Variants in ZNF674 observed in about 807,000 individuals in gnomAD.
ZNF674 encodes zinc finger family member 674.
In ZNF674, 2 loss-of-function variants were observed where a neutral mutation model predicts 7.0. That is an observed-to-expected ratio of 0.29 (90% CI 0.12 to 0.90). The LOEUF is 0.90. Ranked by LOEUF, ZNF674 falls within the 40% of genes least tolerant of loss-of-function variation. ZNF674 has a pLI of 0.57. For missense variants in ZNF674, 297 were observed against 415.5 expected (o/e 0.71, Z 2.48); for synonymous variants, 103 against 145.2 (o/e 0.71, Z 2.09).
chrX:46,519,346 G>A (rs1370051449), intron 5 of ZNF674, among the ~76,000 whole-genome samples: 2 of 109,031 alleles, frequency 1.8e-5, no homozygotes, highest in South Asian at 7.9e-4. Context: ...GGTGGCTCAT[G>A]CCTGGAATCC....
intron 5 of ZNF674, among the ~76,000 whole-genome samples, chrX:46,502,686 T>C (rs148918661): frequency 1.8e-5 from 2 of 112,122 alleles, no homozygotes; most frequent in East Asian, 5.6e-4. Flanking sequence ...TGGTGCATCT[T>C]TGATACTGGA....
intron 5 of ZNF674, among the ~76,000 whole-genome samples, chrX:46,504,862 C>G (rs1420924486): frequency 9.1e-6 from 1 of 110,149 alleles, no homozygotes; most frequent in Non-Finnish European, 1.9e-5. Flanking sequence ...TGTTTCTTTT[C>G]TTTTCTTTTT....
chrX:46,526,684 AG>A lies in ZNF674; in HGVS notation c.238+1665del, dbSNP rs774758286. On this transcript the variant is annotated intron_variant, in intron 5 of 5. Coordinates refer to ENST00000683375, the MANE Select transcript of ZNF674 (RefSeq NM_001190417.2). The stretch of plus-strand genomic sequence containing the variant: ...AAAAATTGGATATACATATGCAAAA[AG>A]CCCCCTGACCCTCACCTCATGTCAG... Among the ~76,000 whole-genome samples the A allele has an allele frequency of 5.2e-3, 578 of 111,679 alleles. 6 individuals are homozygous for A. Among genetic ancestry groups the A allele is most frequent in the African/African-American group, 0.018 (552 of 30,751 alleles).
rs780018464 is a variant in ZNF674 at position 46,510,668 on chromosome X, A to G, written c.239-9333T>C. 3.8e-3 allele frequency among the ~76,000 whole-genome samples: 421 copies of G among 111,828 alleles called. 3 individuals are homozygous for G. The highest frequency in any genetic ancestry group is 5.5e-3 in the Non-Finnish European group (291 of 53,122). On this transcript the variant is annotated intron_variant, in intron 5 of 5. Transcript: ENST00000683375. The stretch of plus-strand genomic sequence containing the variant: ...TAGCCAGGCATGGTGGTGGATGCCT[A>G]TAATCCCAGATACTTGGGAGGCTGA...
intron 5 of ZNF674, among the ~76,000 whole-genome samples, chrX:46,520,952 C>T (rs950084907): frequency 5.4e-5 from 6 of 111,075 alleles, no homozygotes; most frequent in African/African-American, 1.3e-4. Flanking sequence ...TTTGGGAGGC[C>T]GAGGTGGGTG....
chrX:46,530,094 T>G (rs144818724), intron 3 of ZNF674, among the ~76,000 whole-genome samples: 2,853 of 111,680 alleles, frequency 0.026, 86 homozygotes, highest in African/African-American at 0.087. Flanking sequence ...CAAAGACTAA[T>G]AACCCGCCTG....
rs1412691699 is a variant in ZNF674, at chrX:46,528,880, C to T, written c.45G>A (p.Val15=). 3.3e-6 allele frequency: 4 copies of T among 1,209,811 alleles called. 1 individual carries two copies. In the African/African-American group the frequency reaches 7.0e-5, roughly 21 times the overall value. ...GCTGCCACTCCTCCAGGGTGAAGTC[C>T]ACAAACACGTCCTTGAAGGTCAATG... The part of the protein sequence containing the change: ...QESLTFKDVF[V]DFTLEEWQQL... The change falls in exon 4 of 6, where the codon GTG becomes GTA. Residue 15 remains valine, a synonymous_variant. Transcript: ENST00000683375.
At position 46,499,942 on chromosome X, in the gene ZNF674, T is replaced by C; in HGVS notation, c.1632A>G (p.Gly544=). ...TLIVHHRTHT[G]EKPYECRDCG... ...AGTCTCTGCATTCATAAGGTTTCTCTCCTGTATGAGTTCTGTGATGCACAA... is the reference window on the plus strand; with the variant it reads ...AGTCTCTGCATTCATAAGGTTTCTCCCCTGTATGAGTTCTGTGATGCACAA... The change falls in exon 6 of 6, where the codon GGA becomes GGG. Residue 544 remains glycine, a synonymous_variant. Transcript: ENST00000683375. 4 of 1,194,383 alleles carry C rather than the reference T, an allele frequency of 3.3e-6. No individual in the cohort carries two copies. Among genetic ancestry groups the C allele is most frequent in the Non-Finnish European group, 4.5e-6 (4 of 885,574 alleles).
intron 5 of ZNF674, among the ~76,000 whole-genome samples, chrX:46,515,366 C>CAAAAA (rs57262712): frequency 2.9e-5 from 2 of 68,895 alleles, no homozygotes; most frequent in Non-Finnish European, 5.3e-5. Flanking sequence ...GAGACTCTCT[C>CAAAAA]AAAAAAAAAA....
At position 46,542,069 on chromosome X, in the gene ZNF674, T is replaced by G; in HGVS notation, c.15+4A>C. On this transcript the variant is annotated splice_donor_region_variant and intron_variant, in intron 3 of 5. Coordinates refer to ENST00000683375, the MANE Select transcript of ZNF674 (RefSeq NM_001190417.2). ...AAAAAAAGTAGGGGTACATTAGAACTCACCTGGGACATGGCCATCTTGTTG... is the reference window on the plus strand; with the variant it reads ...AAAAAAAGTAGGGGTACATTAGAACGCACCTGGGACATGGCCATCTTGTTG... The G allele has an allele frequency of 8.3e-7, 1 of 1,205,292 alleles. No individual in the cohort carries two copies. Among genetic ancestry groups the G allele is most frequent in the Non-Finnish European group, 1.1e-6 (1 of 890,375 alleles).
chrX:46,505,123 T>A (rs1941509169), intron 5 of ZNF674, among the ~76,000 whole-genome samples: 1 of 110,658 alleles, frequency 9.0e-6, no homozygotes, highest in Admixed American at 9.7e-5. Flanking sequence ...CTCCTGACCT[T>A]GTGATATGAC....
chrX:46,530,816 G>C (rs1942096176), intron 3 of ZNF674, among the ~76,000 whole-genome samples: 1 of 112,812 alleles, frequency 8.9e-6, no homozygotes, highest in South Asian at 3.6e-4. Context: ...TTAGAAGGTT[G>C]GGAATTTCAT....
chrX:46,533,829 A>AATATATATATATAT (rs1197442802), intron 3 of ZNF674, among the ~76,000 whole-genome samples: 2 of 65,552 alleles, frequency 3.1e-5, no homozygotes, highest in African/African-American at 2.0e-4. Context: ...AAAAAAAAAA[A>AATATATATATATAT]ATATATATAT....
chrX:46,525,165 C>T (rs903618657), intron 5 of ZNF674, among the ~76,000 whole-genome samples: 1 of 110,592 alleles, frequency 9.0e-6, no homozygotes, highest in African/African-American at 3.3e-5. Flanking sequence ...CATTGTCAGC[C>T]CACCAATGGA....
At chrX:46,524,718 ATC>A (rs1385219122) in intron 5 of ZNF674, among the ~76,000 whole-genome samples, 1 of 109,551 alleles carries the variant, frequency 9.1e-6, no homozygotes, top group Admixed American at 9.9e-5. Flanking sequence ...AAAAAGAAAA[ATC>A]TGCAAATTGA....
Position 46,510,351 on chromosome X carries a change from A to G in ZNF674, c.239-9016T>C, listed in dbSNP as rs150290814. Among the ~76,000 whole-genome samples, 865 of 112,014 alleles carry G rather than the reference A, an allele frequency of 7.7e-3. 9 individuals are homozygous for G. Among genetic ancestry groups the G allele is most frequent in the African/African-American group, 0.026 (818 of 30,913 alleles). ...GCTTCACAATTAAGTAGAGTTTAGC[A>G]CAGGAACACAAGAACACTTCAATAT... On this transcript the variant is annotated intron_variant, in intron 5 of 5. Transcript: ENST00000683375.
intron 5 of ZNF674, chrX:46,517,982 CCTA>C (rs1425936962): frequency 9.2e-6 from 1 of 109,120 alleles, no homozygotes; most frequent in Non-Finnish European, 1.9e-5. Flanking sequence ...AACATATATA[CCTA>C]CTATTTACCC....
intron 5 of ZNF674, among the ~76,000 whole-genome samples, chrX:46,506,837 G>C (rs1307013206): frequency 9.0e-6 from 1 of 111,637 alleles, no homozygotes. Flanking sequence ...CAGCAATGCA[G>C]AGGGTGAAGG....
At chrX:46,544,053 GC>G (rs1361746989) in intron 2 of ZNF674, among the ~76,000 whole-genome samples, 3 of 112,595 alleles carry the variant, frequency 2.7e-5, no homozygotes, top group African/African-American at 9.7e-5. Flanking sequence ...GCTAGGAGAG[GC>G]CAATCCTCTG....
Sources: gnomAD v4.1 joint callset for allele counts (sites outside exome capture counted in the v4.1 genomes callset) on GRCh38, gnomAD v4.1.1 for gene constraint, MANE v1.5 for transcripts, NCBI Gene and HGNC (gene_info 2026-07-23, HGNC 2026-07-21) for gene names.